Variants in PARD3 observed in about 807,000 individuals in gnomAD.
PARD3 encodes the protein par-3 family cell polarity regulator.
Under a neutral mutation model 155.4 loss-of-function variants are expected in PARD3, and 75 were observed. The observed-to-expected ratio is 0.48, with a 90% CI of 0.40 to 0.58. The LOEUF is 0.58. PARD3 is among the 20% of genes least tolerant of loss of function. PARD3 has a pLI of 0.00. For missense variants in PARD3, 1,642 were observed against 1,721.7 expected (o/e 0.95, Z 0.82); for synonymous variants, 576 against 610.5 (o/e 0.94, Z 0.83).
intron 20 of PARD3, among the ~76,000 whole-genome samples, chr10:34,291,060 T>C (rs1447984323): frequency 6.6e-6 from 1 of 152,244 alleles, no homozygotes; most frequent in Non-Finnish European, 1.5e-5. Context: ...TCTTGTGCTT[T>C]TTCCACATTC....
At chr10:34,318,613 C>A (rs1250052349) in intron 19 of PARD3, among the ~76,000 whole-genome samples, 1 of 152,060 alleles carries the variant, frequency 6.6e-6, no homozygotes, top group African/African-American at 2.4e-5. Flanking sequence ...CTAAAAGGGT[C>A]CCAATATCTT....
chr10:34,656,316 GATAA>G (rs1209663183), intron 2 of PARD3, among the ~76,000 whole-genome samples: 2 of 152,038 alleles, frequency 1.3e-5, no homozygotes, highest in East Asian at 3.9e-4. Flanking sequence ...AGTGTTCTAT[GATAA>G]ATATATTGTC....
intron 16 of PARD3, among the ~76,000 whole-genome samples, chr10:34,339,778 T>C (rs887398093): frequency 2.0e-5 from 3 of 152,194 alleles, no homozygotes; most frequent in African/African-American, 4.8e-5. Context: ...AATAACTAAA[T>C]ATTCTTAAAC....
At chr10:34,439,743 AAC>A (rs35524565) in intron 5 of PARD3, among the ~76,000 whole-genome samples, 79,908 of 151,818 alleles carry the variant, frequency 0.53, 23,839 homozygotes, top group Non-Finnish European at 0.67. Context: ...TAAAAATAAT[AAC>A]ATGTCAAAAG....
chr10:34,328,313 T>C (rs887380437), intron 19 of PARD3, among the ~76,000 whole-genome samples: 2 of 152,066 alleles, frequency 1.3e-5, no homozygotes, highest in Admixed American at 1.3e-4. Context: ...AAGATGGAAA[T>C]AGATGGGGTG....
intron 1 of PARD3, among the ~76,000 whole-genome samples, chr10:34,745,172 G>C (rs1167328536): frequency 6.6e-6 from 1 of 152,076 alleles, no homozygotes; most frequent in Non-Finnish European, 1.5e-5. Context: ...GACCAGCTTG[G>C]GCAACAAAGC....
At chr10:34,409,997 T>G (rs1023282243) in intron 5 of PARD3, among the ~76,000 whole-genome samples, 1 of 152,166 alleles carries the variant, frequency 6.6e-6, no homozygotes, top group Admixed American at 6.5e-5. Flanking sequence ...TTATAAACTG[T>G]GGGAAATAAT....
At chr10:34,698,769 G>A (rs568723539) in intron 1 of PARD3, among the ~76,000 whole-genome samples, 12 of 152,326 alleles carry the variant, frequency 7.9e-5, no homozygotes, top group Admixed American at 1.3e-4. Flanking sequence ...GGTGTCAAGC[G>A]TGAGCCTTTA....
intron 22 of PARD3, among the ~76,000 whole-genome samples, chr10:34,155,636 C>T (rs1311150870): frequency 6.7e-6 from 1 of 149,498 alleles, no homozygotes; most frequent in Non-Finnish European, 1.5e-5. Flanking sequence ...TTTTTTCTTT[C>T]ATCATCTTCA....
At chr10:34,407,865 T>G (rs187603725) in intron 5 of PARD3, among the ~76,000 whole-genome samples, 264 of 151,884 alleles carry the variant, frequency 1.7e-3, no homozygotes, top group Non-Finnish European at 2.7e-3. Flanking sequence ...ATCCAAAAAC[T>G]TAAGTGATCC....
chr10:34,536,246 T>G (rs1231830654), intron 2 of PARD3, among the ~76,000 whole-genome samples: 2 of 152,138 alleles, frequency 1.3e-5, no homozygotes, highest in African/African-American at 4.8e-5. Flanking sequence ...ACTCACTCCC[T>G]CAAATATGCA....
At chr10:34,359,115 T>G in intron 14 of PARD3, 32 bp downstream of exon 14, 2 of 1,576,910 alleles carry the variant, frequency 1.3e-6, no homozygotes, top group African/African-American at 2.7e-5. Context: ...TATTTACAAT[T>G]TTAGATACTA....
intron 1 of PARD3, among the ~76,000 whole-genome samples, chr10:34,751,441 G>A (rs1836019753): frequency 6.6e-6 from 1 of 152,144 alleles, no homozygotes; most frequent in Non-Finnish European, 1.5e-5. Context: ...TTTATCTATT[G>A]CAGGAGCTGG....
intron 1 of PARD3, among the ~76,000 whole-genome samples, chr10:34,728,343 T>C (rs1415030941): frequency 1.3e-5 from 2 of 152,234 alleles, no homozygotes; most frequent in Non-Finnish European, 2.9e-5. Context: ...ATTCTGACGC[T>C]AAATGTCATT....
chr10:34,550,677 T>A (rs1403289186), intron 2 of PARD3, among the ~76,000 whole-genome samples: 1 of 152,202 alleles, frequency 6.6e-6, no homozygotes. Flanking sequence ...TTATTTTAAG[T>A]CACTCCATAT....
chr10:34,779,452 T>TA (rs912860116), intron 1 of PARD3, among the ~76,000 whole-genome samples: 103 of 147,914 alleles, frequency 7.0e-4, no homozygotes, highest in Non-Finnish European at 1.2e-3. Context: ...CCACTAAAAA[T>TA]AAAAAAAAAA....
intron 1 of PARD3, among the ~76,000 whole-genome samples, chr10:34,811,361 T>C (rs1323823699): frequency 6.6e-6 from 1 of 152,118 alleles, no homozygotes; most frequent in African/African-American, 2.4e-5. Flanking sequence ...CCCTTTCACT[T>C]ATCAGAATCG....
At chr10:34,695,743 T>G (rs2094157869) in intron 2 of PARD3, among the ~76,000 whole-genome samples, 1 of 152,088 alleles carries the variant, frequency 6.6e-6, no homozygotes, top group South Asian at 2.1e-4. Context: ...AAGGCCGAGC[T>G]TCCTGAGATC....
chr10:34,283,373 C>G (rs1439464008), intron 21 of PARD3, among the ~76,000 whole-genome samples: 1 of 152,052 alleles, frequency 6.6e-6, no homozygotes, highest in Non-Finnish European at 1.5e-5. Context: ...AATGTGATGA[C>G]AGAGAGAAGC....
Sources: allele counts gnomAD v4.1 joint callset (sites outside exome capture counted in the v4.1 genomes callset), GRCh38; gene constraint gnomAD v4.1.1; transcripts MANE v1.5; gene names NCBI Gene and HGNC (gene_info 2026-07-23, HGNC 2026-07-21).